TRIM4: variants seen among roughly 807,000 people sequenced by gnomAD.
TRIM4 encodes E3 ubiquitin-protein ligase TRIM4.
Under a neutral mutation model 33.7 loss-of-function variants are expected in TRIM4, and 29 were observed. The ratio of observed to expected loss-of-function variants is 0.86; its 90% confidence interval spans 0.64 to 1.17. TRIM4 has a LOEUF of 1.17. Ranked by LOEUF, TRIM4 falls within the 50% of genes most tolerant of loss-of-function variation. TRIM4 has a pLI of 0.00. For synonymous variants in TRIM4, 224 were observed against 233.0 expected (o/e 0.96, Z 0.35); for missense variants, 554 against 593.7 (o/e 0.93, Z 0.69).
chr7:99,916,640 A>G (rs1359408018), intron 1 of TRIM4: 2 of 761,606 alleles, frequency 2.6e-6, no homozygotes, highest in Non-Finnish European at 4.9e-6. Flanking sequence ...ACTCCAGCTC[A>G]TTATCACTCC....
intron 3 of TRIM4, 26 bp downstream of exon 3, chr7:99,908,556 A>T: frequency 6.4e-7 from 1 of 1,552,388 alleles, no homozygotes; most frequent in Non-Finnish European, 8.8e-7. Flanking sequence ...TGAAGATGAG[A>T]TCACCCCCAC....
chr7:99,895,759 G>A (rs760235661), intron 5 of TRIM4, among the ~76,000 whole-genome samples: 4 of 152,118 alleles, frequency 2.6e-5, no homozygotes, highest in Non-Finnish European at 5.9e-5. Context: ...TTCTCTTGAC[G>A]AACTGACCAC....
intron 5 of TRIM4, chr7:99,902,239 G>A: frequency 1.4e-6 from 1 of 731,488 alleles, no homozygotes; most frequent in Non-Finnish European, 2.5e-6. Flanking sequence ...CCCACAACAT[G>A]GTTCTTTTTA....
intron 1 of TRIM4, 69 bp from the exon 2 acceptor site, chr7:99,909,729 GTTTTTTTTTTT>G: frequency 2.8e-6 from 2 of 723,230 alleles, no homozygotes; most frequent in Non-Finnish European, 4.1e-6. Context: ...TTTTCTTTTT[GTTTTTTTTTTT>G]TTTTTTTTTT....
intron 5 of TRIM4, among the ~76,000 whole-genome samples, chr7:99,900,379 T>C (rs879194698): frequency 6.6e-6 from 1 of 152,136 alleles, no homozygotes; most frequent in African/African-American, 2.4e-5. Flanking sequence ...GTTAATCTTA[T>C]CCAAAATCAC....
chr7:99,897,969 G>A (rs1413861322), intron 5 of TRIM4, among the ~76,000 whole-genome samples: 3 of 152,194 alleles, frequency 2.0e-5, no homozygotes, highest in Non-Finnish European at 4.4e-5. Context: ...TCACCAACTG[G>A]GTGCACATGG....
intron 1 of TRIM4, among the ~76,000 whole-genome samples, chr7:99,918,068 G>C (rs1483765157): frequency 6.6e-6 from 1 of 152,190 alleles, no homozygotes. Context: ...AAGGAAGCTA[G>C]TAACAAAACC....
rs199977056 is a variant in TRIM4 at position 99,908,621 on chromosome 7, C to A, written c.681G>T (p.Val227=). 5.6e-6 allele frequency: 9 copies of A among 1,613,634 alleles called. No homozygotes were observed. Among genetic ancestry groups the A allele is most frequent in the South Asian group, 5.5e-5 (5 of 91,066 alleles). Residue 227 remains valine (V), a synonymous_variant, in exon 3 of 6, where the codon GTG becomes GTT. Transcript: ENST00000349062. ...GGGTGGGAGCCTGGCTCTTCTCCCCCACCTCTAAGATGAGCTTCTTCAATG... is the reference window on the plus strand; with the variant it reads ...GGGTGGGAGCCTGGCTCTTCTCCCCAACCTCTAAGATGAGCTTCTTCAATG... ...IASLKKLILE[V]GEKSQAPTLE... is the part of the protein sequence containing the mutation.
rs140032652 is a variant in TRIM4, at chr7:99,909,133, G to GGTGTGTGTGTGTGT, written c.490-335_490-322dup. Reference sequence around the variant, plus strand: ...TTTACCAAATCTTTAGGAGTGTGAGGGTGTGTGTGTGTGTGTGTGTGTGTG... The same window carrying GGTGTGTGTGTGTGT: ...TTTACCAAATCTTTAGGAGTGTGAGGGTGTGTGTGTGTGTGTGTGTGTGTGTGTGTGTGTGTGTG... On this transcript the variant is annotated intron_variant, in intron 2 of 5. Transcript: ENST00000349062. 8.8e-5 allele frequency among the ~76,000 whole-genome samples: 13 copies of GGTGTGTGTGTGTGT among 148,512 alleles called. 1 individual carries two copies. Among genetic ancestry groups the GGTGTGTGTGTGTGT allele is most frequent in the African/African-American group, 3.0e-4 (12 of 40,416 alleles).
At chr7:99,902,189 AC>A (rs1398533793) in intron 5 of TRIM4, 9 of 763,726 alleles carry the variant, frequency 1.2e-5, no homozygotes, top group Non-Finnish European at 1.9e-5. Context: ...AGACAAGAAA[AC>A]AACTCGTTTA....
chr7:99,900,269 A>C (rs1364492936), intron 5 of TRIM4, among the ~76,000 whole-genome samples: 1 of 152,204 alleles, frequency 6.6e-6, no homozygotes, highest in Admixed American at 6.5e-5. Context: ...GAAATCCATC[A>C]GAAAGGTCAA....
At chr7:99,906,156 GT>G (rs1229534069) in intron 3 of TRIM4, among the ~76,000 whole-genome samples, 1 of 151,564 alleles carries the variant, frequency 6.6e-6, no homozygotes, top group African/African-American at 2.4e-5. Flanking sequence ...AAAAAAAAAA[GT>G]AAAAAAAAAT....
intron 1 of TRIM4, among the ~76,000 whole-genome samples, chr7:99,917,450 T>C (rs1055945835): frequency 2.0e-5 from 3 of 152,206 alleles, no homozygotes; most frequent in Non-Finnish European, 2.9e-5. Flanking sequence ...CCAGGAAAGC[T>C]TGCTCACGCC....
intron 1 of TRIM4, among the ~76,000 whole-genome samples, chr7:99,915,470 C>G: frequency 6.6e-6 from 1 of 152,142 alleles, no homozygotes; most frequent in Non-Finnish European, 1.5e-5. Context: ...TCTTTTTCTC[C>G]CCTCACCATA....
chr7:99,894,694 GAAAGA>G (rs769528584), intron 5 of TRIM4, among the ~76,000 whole-genome samples: 172 of 148,864 alleles, frequency 1.2e-3, no homozygotes, highest in Non-Finnish European at 1.6e-3. Context: ...GAAAAGAAAA[GAAAGA>G]AAAGAAACAA....
chr7:99,904,309 C>G (rs1271179839), intron 3 of TRIM4, among the ~76,000 whole-genome samples: 1 of 152,130 alleles, frequency 6.6e-6, no homozygotes, highest in African/African-American at 2.4e-5. Flanking sequence ...AAAAAACAGA[C>G]AAATTCCAAT....
chr7:99,897,677 C>T (rs962294468), intron 5 of TRIM4, among the ~76,000 whole-genome samples: 3 of 152,214 alleles, frequency 2.0e-5, no homozygotes, highest in East Asian at 1.9e-4. Flanking sequence ...TACTCCCCAA[C>T]CCCCTGTATT....
chr7:99,897,913 C>T (rs56337108), intron 5 of TRIM4, among the ~76,000 whole-genome samples: 1 of 152,234 alleles, frequency 6.6e-6, no homozygotes. Flanking sequence ...CTTGTACCCA[C>T]TAAACATCTC....
At chr7:99,913,454 G>A (rs1328428702) in intron 1 of TRIM4, among the ~76,000 whole-genome samples, 1 of 152,060 alleles carries the variant, frequency 6.6e-6, no homozygotes, top group Admixed American at 6.5e-5. Context: ...AGATTACGAG[G>A]TCAGGAGTTC....
Sources: gnomAD v4.1 joint callset for allele counts (sites outside exome capture counted in the v4.1 genomes callset) on GRCh38, gnomAD v4.1.1 for gene constraint, MANE v1.5 for transcripts, NCBI Gene and HGNC (gene_info 2026-07-23, HGNC 2026-07-21) for gene names.